The following CFAP54 variants were observed in gnomAD, a reference collection of about 807,000 sequenced individuals.
CFAP54 encodes cilia and flagella associated protein 54.
CFAP54 carries 290 observed loss-of-function variants against 370.4 expected under a neutral mutation model. That is an observed-to-expected ratio of 0.78 (90% CI 0.71 to 0.86). The LOEUF is 0.86. Among genes scored for constraint, CFAP54 ranks in the 40% least tolerant of loss-of-function variants. The probability of loss-of-function intolerance (pLI) is 0.00; values close to 1 mark genes in which losing one functional copy is unlikely to be tolerated. For missense variants in CFAP54, 3,399 were observed against 3,528.7 expected (o/e 0.96, Z 0.93); for synonymous variants, 1,206 against 1,236.5 (o/e 0.98, Z 0.52).
intron 17 of CFAP54, among the ~76,000 whole-genome samples, chr12:96,558,157 G>A (rs1955774660): frequency 6.6e-6 from 1 of 152,006 alleles, no homozygotes; most frequent in Non-Finnish European, 1.5e-5. Context: ...TGATATTAAT[G>A]TGATTTAAAA....
chr12:96,764,787 A>G (rs966885065), intron 59 of CFAP54, among the ~76,000 whole-genome samples: 1 of 152,214 alleles, frequency 6.6e-6, no homozygotes, highest in Non-Finnish European at 1.5e-5. Context: ...GCAGATATAC[A>G]TGTGTACATA....
At chr12:96,803,309 T>C (rs1173895244) in intron 63 of CFAP54, among the ~76,000 whole-genome samples, 3 of 152,086 alleles carry the variant, frequency 2.0e-5, no homozygotes, top group Non-Finnish European at 4.4e-5. Context: ...TAAAAGTGTT[T>C]CTATTTCTCC....
At position 96,649,980 on chromosome 12, in the gene CFAP54, T is replaced by C. The variant is rs766023931; in HGVS notation, c.4780T>C (p.Ser1594Pro). 16 of 1,613,160 alleles carry C rather than the reference T, an allele frequency of 9.9e-6. No homozygotes were observed. Among genetic ancestry groups the C allele is most frequent in the Non-Finnish European group, 7.6e-6 (9 of 1,179,318 alleles). Residue 1594 changes from serine to proline, a missense_variant, in exon 35 of 68, where the codon TCA (serine) becomes CCA (proline). Coordinates refer to ENST00000524981, the MANE Select transcript of CFAP54 (RefSeq NM_001306084.2). The stretch of plus-strand genomic sequence containing the variant: ...AACAGTTTATGACTCAGACTCTCAA[T>C]CAGGTTCTAGTGCTAAAGAAAAGGA... ...TQTVYDSDSQ[S>P]GSSAKEKDRG...
In CFAP54 at chr12:96,684,781, T is replaced by C. The variant is rs1384725774; in HGVS notation, c.5804+46T>C. The C allele has an allele frequency of 3.4e-6, 5 of 1,470,316 alleles. No homozygotes were observed. The East Asian group carries it at 1.1e-4, about 33-fold the overall frequency. The allele number at this position is 1,470,316 out of a possible 1,614,324, so 91.1% of individuals were successfully genotyped here. The stretch of plus-strand genomic sequence containing the variant: ...AGAACAAGGGCAAAGGTTTTTTATT[T>C]GCTTGTTTGAAGAAGTTTTTAATGA... On this transcript the variant is annotated intron_variant, in intron 41 of 67. Coordinates refer to ENST00000524981, the MANE Select transcript of CFAP54 (RefSeq NM_001306084.2).
At chr12:96,700,227 C>G (rs1224867782) in intron 46 of CFAP54, 134 bp downstream of exon 46, 1 of 955,484 alleles carries the variant, frequency 1.0e-6, no homozygotes, top group Non-Finnish European at 1.5e-6. Context: ...CTGGTTACAA[C>G]TAACATCAGG....
At chr12:96,512,301 T>TTATATATATATATATATATA (rs1165045194) in intron 4 of CFAP54, among the ~76,000 whole-genome samples, 2 of 31,132 alleles carry the variant, frequency 6.4e-5, no homozygotes, top group Admixed American at 3.9e-4. Context: ...GGAACCAATT[T>TTATATATATATATATATATA]TATATATATA....
chr12:96,736,399 C>T (rs933947438), intron 50 of CFAP54, among the ~76,000 whole-genome samples: 13 of 152,138 alleles, frequency 8.5e-5, no homozygotes, highest in African/African-American at 2.7e-4. Context: ...CTGATTGGCC[C>T]GGCTTGGCTC....
At chr12:96,557,575 A>G (rs1484346084) in intron 17 of CFAP54, among the ~76,000 whole-genome samples, 3 of 152,146 alleles carry the variant, frequency 2.0e-5, no homozygotes, top group Non-Finnish European at 4.4e-5. Context: ...AAACTGTGAT[A>G]TATTCATGTA....
intron 39 of CFAP54, among the ~76,000 whole-genome samples, chr12:96,675,621 A>G (rs1345012388): frequency 1.3e-5 from 2 of 152,236 alleles, no homozygotes; most frequent in Admixed American, 6.5e-5. Flanking sequence ...TCATGCTGCT[A>G]TAAAGACACA....
At chr12:96,764,894 T>C (rs1958383245) in intron 59 of CFAP54, among the ~76,000 whole-genome samples, 183 bp from the exon 60 acceptor site, 1 of 152,252 alleles carries the variant, frequency 6.6e-6, no homozygotes, top group South Asian at 2.1e-4. Flanking sequence ...ATTATTTGTT[T>C]GACTATGATA....
intron 8 of CFAP54, among the ~76,000 whole-genome samples, chr12:96,524,024 T>G (rs1294421054): frequency 6.6e-6 from 1 of 152,146 alleles, no homozygotes; most frequent in Non-Finnish European, 1.5e-5. Flanking sequence ...CTTGGCATAT[T>G]TTGCAGAATG....
intron 17 of CFAP54, among the ~76,000 whole-genome samples, chr12:96,561,212 A>T (rs1267317437): frequency 6.6e-6 from 1 of 152,176 alleles, no homozygotes; most frequent in Non-Finnish European, 1.5e-5. Flanking sequence ...AGGTAATTGC[A>T]TAATGGGGGC....
In CFAP54 at chr12:96,598,744, T is replaced by C; in HGVS notation, c.3616T>C (p.Cys1206Arg). The change falls in exon 26 of 68, where the codon TGT becomes CGT. Residue 1206 changes from cysteine to arginine, a missense_variant. Transcript: ENST00000524981. ...SFESIQHMIA[C>R]CIFYITKILR... Reference sequence around the variant, plus strand: ...TGAAAGTATACAACACATGATAGCTTGTTGTATTTTCTACATAACAAAGGT... The same window carrying C: ...TGAAAGTATACAACACATGATAGCTCGTTGTATTTTCTACATAACAAAGGT... 1.6e-6 allele frequency: 1 copy of C among 637,252 alleles called. No homozygotes were observed. The highest frequency in any genetic ancestry group is 2.9e-6 in the Non-Finnish European group (1 of 350,062). The allele number at this position is 637,252 out of a possible 1,614,324, so 39.5% of individuals were successfully genotyped here.
rs528385646 is a variant in CFAP54 at position 96,636,854 on chromosome 12, C to T, written c.4316+6203C>T. ...CTGTAATCCCAGCTACTCAGGAGTC[C>T]GAGGAAAAACAAACAAACAAACAAA... On this transcript the variant is annotated intron_variant, in intron 32 of 67. Transcript: ENST00000524981. Among the ~76,000 whole-genome samples the T allele has an allele frequency of 3.3e-5, 5 of 151,954 alleles. No individual in the cohort carries two copies. The East Asian group carries it at 7.7e-4, about 24-fold the overall frequency.
At chr12:96,848,412 C>T (rs1030885506) in intron 66 of CFAP54, among the ~76,000 whole-genome samples, 2 of 152,108 alleles carry the variant, frequency 1.3e-5, no homozygotes, top group African/African-American at 4.8e-5. Flanking sequence ...TAAAAGATTT[C>T]TACTGGCTGG....
chr12:96,634,142 G>A (rs535196922), intron 32 of CFAP54, among the ~76,000 whole-genome samples: 230 of 126,080 alleles, frequency 1.8e-3, no homozygotes, highest in Non-Finnish European at 3.1e-3. Flanking sequence ...TGCAACCTCC[G>A]CCTCCCCGGT....
intron 63 of CFAP54, among the ~76,000 whole-genome samples, chr12:96,801,987 A>G (rs2136713578): frequency 6.6e-6 from 1 of 152,098 alleles, no homozygotes; most frequent in African/African-American, 2.4e-5. Context: ...AGCGGACCAC[A>G]CTTCCTACAG....
At chr12:96,726,070 T>A (rs201224200) in intron 50 of CFAP54, among the ~76,000 whole-genome samples, 5 of 139,784 alleles carry the variant, frequency 3.6e-5, no homozygotes, top group African/African-American at 1.3e-4. Context: ...CTGCTGGATT[T>A]GGTTTGCCAG....
intron 66 of CFAP54, 145 bp from the exon 67 acceptor site, chr12:96,860,674 G>A (rs186630070): frequency 3.0e-6 from 2 of 670,642 alleles, no homozygotes; most frequent in Admixed American, 3.2e-5. Context: ...CAGTTTAGAG[G>A]TATGAAACTT....
Sources: gnomAD v4.1 joint callset for allele counts (sites outside exome capture counted in the v4.1 genomes callset) on GRCh38, gnomAD v4.1.1 for gene constraint, MANE v1.5 for transcripts, NCBI Gene and HGNC (gene_info 2026-07-23, HGNC 2026-07-21) for gene names.